FER: variants seen among roughly 807,000 people sequenced by gnomAD.
FER encodes tyrosine-protein kinase Fer.
In FER, 63 loss-of-function variants were observed where a neutral mutation model predicts 111.0. The observed-to-expected ratio is 0.57, with a 90% CI of 0.46 to 0.70. The LOEUF is 0.70. Ranked by LOEUF, FER falls within the 30% of genes least tolerant of loss-of-function variation. The pLI, the probability that FER is intolerant of heterozygous loss-of-function variation, is 0.00. For missense variants in FER, 914 were observed against 954.0 expected, an observed-to-expected ratio of 0.96 and a Z score of 0.55; for synonymous variants, 327 against 313.9, an observed-to-expected ratio of 1.04 and a Z score of -0.44.
intron 16 of FER, among the ~76,000 whole-genome samples, chr5:109,077,214 C>T (rs550151658): frequency 2.6e-5 from 4 of 152,270 alleles, no homozygotes; most frequent in African/African-American, 9.6e-5. Flanking sequence ...ATCACTCTTT[C>T]AGACAGTGAG....
chr5:109,167,762 C>T (rs1756703979), intron 17 of FER, among the ~76,000 whole-genome samples: 2 of 152,120 alleles, frequency 1.3e-5, no homozygotes, highest in African/African-American at 4.8e-5. Context: ...TAACCTTACC[C>T]TATCTGAATG....
intron 17 of FER, among the ~76,000 whole-genome samples, chr5:109,148,940 A>G (rs1360156647): frequency 6.6e-6 from 1 of 152,172 alleles, no homozygotes; most frequent in African/African-American, 2.4e-5. Flanking sequence ...ATTTTAACCT[A>G]AGTTATAATA....
chr5:108,803,822 T>A (rs2150058957), intron 3 of FER, among the ~76,000 whole-genome samples: 1 of 152,292 alleles, frequency 6.6e-6, no homozygotes, highest in Non-Finnish European at 1.5e-5. Context: ...TTTGGGCGAC[T>A]TTTTGGTTGC....
In FER at chr5:109,000,433, T is replaced by G. The variant is rs368339651; in HGVS notation, c.1657-36989T>G. 1.4e-4 allele frequency among the ~76,000 whole-genome samples: 21 copies of G among 152,174 alleles called. No individual in the cohort carries two copies. In the South Asian group the frequency reaches 4.1e-3, roughly 30 times the overall value. Reference sequence around the variant, plus strand: ...AACATATTTTAAAAATATTTATCGCTAAAGATGTTCTTTGAAACCAACGAG... The same window carrying G: ...AACATATTTTAAAAATATTTATCGCGAAAGATGTTCTTTGAAACCAACGAG... On this transcript the variant is annotated intron_variant, in intron 13 of 19. Coordinates refer to ENST00000281092, the MANE Select transcript of FER (RefSeq NM_005246.4).
At chr5:109,129,874 T>A (rs1752171295) in intron 17 of FER, among the ~76,000 whole-genome samples, 1 of 152,008 alleles carries the variant, frequency 6.6e-6, no homozygotes, top group South Asian at 2.1e-4. Context: ...ATATTGTTGT[T>A]TATAATGACA....
intron 17 of FER, among the ~76,000 whole-genome samples, chr5:109,175,818 T>C (rs1239571142): frequency 3.3e-5 from 5 of 152,098 alleles, no homozygotes; most frequent in African/African-American, 9.7e-5. Context: ...AGAATGGCTG[T>C]CATCAAAAGA....
At chr5:108,888,462 G>A (rs556904516) in intron 9 of FER, among the ~76,000 whole-genome samples, 3 of 151,970 alleles carry the variant, frequency 2.0e-5, no homozygotes, top group South Asian at 4.1e-4. Context: ...TAAGAAGTAC[G>A]GTCAGAGGTC....
At chr5:108,995,780 C>A (rs1763906779) in intron 13 of FER, among the ~76,000 whole-genome samples, 1 of 152,140 alleles carries the variant, frequency 6.6e-6, no homozygotes, top group Non-Finnish European at 1.5e-5. Flanking sequence ...GGGTAGATAG[C>A]CAGTAATGGG....
chr5:108,959,668 A>T (rs754880686), intron 13 of FER, among the ~76,000 whole-genome samples: 2 of 152,002 alleles, frequency 1.3e-5, no homozygotes, highest in Non-Finnish European at 2.9e-5. Flanking sequence ...GTTATAACAG[A>T]TTCTAAGTTG....
chr5:109,054,763 T>G (rs1374833275), intron 16 of FER, among the ~76,000 whole-genome samples: 1 of 152,192 alleles, frequency 6.6e-6, no homozygotes, highest in African/African-American at 2.4e-5. Flanking sequence ...TTTTTGTATA[T>G]AGTGTGGGAA....
intron 13 of FER, among the ~76,000 whole-genome samples, chr5:109,019,699 A>G (rs905964262): frequency 6.6e-6 from 1 of 151,832 alleles, no homozygotes; most frequent in Non-Finnish European, 1.5e-5. Context: ...TAATAACTTT[A>G]TAAAGAGATC....
intron 8 of FER, among the ~76,000 whole-genome samples, chr5:108,882,873 T>C (rs1324967750): frequency 6.6e-6 from 1 of 151,808 alleles, no homozygotes; most frequent in African/African-American, 2.4e-5. Flanking sequence ...TCTTCAATTC[T>C]ATACAGAAAA....
At chr5:109,179,648 A>G (rs1323463250) in intron 17 of FER, among the ~76,000 whole-genome samples, 1 of 152,094 alleles carries the variant, frequency 6.6e-6, no homozygotes, top group African/African-American at 2.4e-5. Flanking sequence ...TTGTGTCTGT[A>G]CTAAACATAC....
At chr5:108,945,575 G>T (rs568824566) in intron 10 of FER, among the ~76,000 whole-genome samples, 1 of 151,470 alleles carries the variant, frequency 6.6e-6, no homozygotes, top group East Asian at 1.9e-4. Flanking sequence ...CCTCCCACCC[G>T]CCTTTCTCCT....
chr5:109,013,207 C>G (rs1342668526), intron 13 of FER, among the ~76,000 whole-genome samples: 1 of 149,154 alleles, frequency 6.7e-6, no homozygotes, highest in Non-Finnish European at 1.5e-5. Flanking sequence ...TTAGGTATAT[C>G]TCCTAATGCT....
At chr5:108,987,429 A>C (rs1762699716) in intron 13 of FER, among the ~76,000 whole-genome samples, 1 of 152,176 alleles carries the variant, frequency 6.6e-6, no homozygotes, top group African/African-American at 2.4e-5. Flanking sequence ...CTGGGCAACA[A>C]GAGCAAAACT....
intron 16 of FER, among the ~76,000 whole-genome samples, chr5:109,075,836 A>G (rs981017458): frequency 1.3e-5 from 2 of 152,194 alleles, no homozygotes; most frequent in African/African-American, 4.8e-5. Flanking sequence ...GTAAAAAGGA[A>G]TATTATCTTT....
intron 5 of FER, among the ~76,000 whole-genome samples, chr5:108,846,501 A>C (rs148480842): frequency 1.4e-3 from 212 of 152,222 alleles, no homozygotes; most frequent in Non-Finnish European, 2.7e-3. Context: ...CTTTTCAGGA[A>C]TTTGTCCATT....
At chr5:109,014,110 G>T (rs1330015389) in intron 13 of FER, among the ~76,000 whole-genome samples, 296 of 150,686 alleles carry the variant, frequency 2.0e-3, no homozygotes, top group Middle Eastern at 6.8e-3. Flanking sequence ...GTCAATTTTG[G>T]CTTTTGTTGC....
Sources: allele counts gnomAD v4.1 joint callset (sites outside exome capture counted in the v4.1 genomes callset), GRCh38; gene constraint gnomAD v4.1.1; transcripts MANE v1.5; gene names NCBI Gene and HGNC (gene_info 2026-07-23, HGNC 2026-07-21).